Variants in RBFOX2 observed in about 807,000 individuals in gnomAD.
The protein encoded by RBFOX2 is RNA binding protein fox-1 homolog 2.
In RBFOX2, 10 loss-of-function variants were observed where a neutral mutation model predicts 49.1. The observed-to-expected ratio is 0.20, with a 90% CI of 0.13 to 0.35. The LOEUF (loss-of-function observed/expected upper bound fraction) is 0.35. RBFOX2 is among the 10% of genes least tolerant of loss of function. RBFOX2 has a pLI of 1.00. For missense variants in RBFOX2, 323 were observed against 486.9 expected, an observed-to-expected ratio of 0.66 and a Z score of 3.17; for synonymous variants, 183 against 187.4, an observed-to-expected ratio of 0.98 and a Z score of 0.19.
chr22:35,853,097 C>G (rs1328199390), intron 1 of RBFOX2, among the ~76,000 whole-genome samples: 1 of 151,922 alleles, frequency 6.6e-6, no homozygotes, highest in East Asian at 1.9e-4. Flanking sequence ...AGTTTGAGAC[C>G]AGCCTGGCCA....
At chr22:35,747,505 C>T (rs1240067804) in intron 9 of RBFOX2, 1 of 152,162 alleles carries the variant, frequency 6.6e-6, no homozygotes, top group East Asian at 1.9e-4. Context: ...TTAGATAACT[C>T]AAATATACAA....
At chr22:35,889,350 T>C (rs918512038) in intron 1 of RBFOX2, among the ~76,000 whole-genome samples, 9 of 152,258 alleles carry the variant, frequency 5.9e-5, no homozygotes, top group Middle Eastern at 3.4e-3. Context: ...TAAGCAATAT[T>C]TCCTCTTGAA....
chr22:35,841,396 C>T, upstream of RBFOX2, among the ~76,000 whole-genome samples: 1 of 152,082 alleles, frequency 6.6e-6, no homozygotes, highest in South Asian at 2.1e-4. Flanking sequence ...TTAAAAAATG[C>T]ATCAAAGATG....
intron 1 of RBFOX2, among the ~76,000 whole-genome samples, chr22:35,929,198 G>A (rs1202234842): frequency 1.3e-5 from 2 of 151,634 alleles, no homozygotes; most frequent in Non-Finnish European, 2.9e-5. Flanking sequence ...AACCAGGCTG[G>A]TCTCAAACTC....
chr22:35,865,644 C>T (rs1200946231), intron 1 of RBFOX2, among the ~76,000 whole-genome samples: 2 of 151,968 alleles, frequency 1.3e-5, no homozygotes, highest in East Asian at 3.9e-4. Context: ...GTGACCTAAA[C>T]TAGTGTGGAT....
intron 1 of RBFOX2, among the ~76,000 whole-genome samples, chr22:35,825,206 T>A (rs1053084070): frequency 6.6e-6 from 1 of 152,096 alleles, no homozygotes; most frequent in African/African-American, 2.4e-5. Context: ...GGAGTGCAGT[T>A]AATAAGATAA....
chr22:35,931,350 A>C (rs1463072105), intron 1 of RBFOX2, among the ~76,000 whole-genome samples: 1 of 151,796 alleles, frequency 6.6e-6, no homozygotes, highest in East Asian at 1.9e-4. Flanking sequence ...CAGAAAGAAA[A>C]TTATTATAGA....
At chr22:35,823,920 C>T (rs1217266862) in intron 1 of RBFOX2, among the ~76,000 whole-genome samples, 3 of 152,036 alleles carry the variant, frequency 2.0e-5, no homozygotes, top group South Asian at 2.1e-4. Context: ...AAGGCCGAGG[C>T]GGGTGGATCA....
chr22:35,990,041 G>T (rs1007717138), intron 1 of RBFOX2, among the ~76,000 whole-genome samples: 36 of 152,046 alleles, frequency 2.4e-4, no homozygotes, highest in African/African-American at 8.5e-4. Context: ...AAATCAGCTG[G>T]GCATGGTAGC....
intron 2 of RBFOX2, among the ~76,000 whole-genome samples, chr22:35,794,884 T>C (rs144812162): frequency 1.3e-5 from 2 of 152,132 alleles, no homozygotes; most frequent in Non-Finnish European, 2.9e-5. Context: ...TAGTTTCCCT[T>C]GGGCATTAGG....
intron 1 of RBFOX2, among the ~76,000 whole-genome samples, chr22:35,983,648 C>T (rs1255717444): frequency 6.6e-6 from 1 of 152,098 alleles, no homozygotes; most frequent in Non-Finnish European, 1.5e-5. Flanking sequence ...AAAAAAATTT[C>T]CTAGATCATC....
chr22:35,791,736 A>T (rs961194437), intron 2 of RBFOX2, among the ~76,000 whole-genome samples: 1 of 152,252 alleles, frequency 6.6e-6, no homozygotes, highest in African/African-American at 2.4e-5. Context: ...CTCTCTGAAG[A>T]CATTACAGTT....
At chr22:35,918,888 C>G (rs1316980773) in intron 1 of RBFOX2, among the ~76,000 whole-genome samples, 1 of 152,154 alleles carries the variant, frequency 6.6e-6, no homozygotes, top group Admixed American at 6.5e-5. Context: ...TCATAGTAGT[C>G]ACCTATTCCT....
intron 1 of RBFOX2, among the ~76,000 whole-genome samples, chr22:35,821,455 G>A (rs993857845): frequency 6.6e-6 from 1 of 151,814 alleles, no homozygotes; most frequent in South Asian, 2.1e-4. Context: ...TATTAGTGGG[G>A]TGTAGTGGAG....
intron 1 of RBFOX2, among the ~76,000 whole-genome samples, chr22:35,952,902 C>A (rs938483887): frequency 1.3e-5 from 2 of 152,066 alleles, no homozygotes; most frequent in Admixed American, 1.3e-4. Flanking sequence ...ATGTTCATGG[C>A]AACACTACTC....
At chr22:35,817,977 C>T (rs1470558310) in intron 1 of RBFOX2, among the ~76,000 whole-genome samples, 1 of 151,880 alleles carries the variant, frequency 6.6e-6, no homozygotes, top group Non-Finnish European at 1.5e-5. Flanking sequence ...CACACACACA[C>T]ACACACACCC....
intron 1 of RBFOX2, among the ~76,000 whole-genome samples, chr22:35,944,112 T>C (rs1446147798): frequency 6.6e-6 from 1 of 152,226 alleles, no homozygotes; most frequent in Non-Finnish European, 1.5e-5. Context: ...TTGAGAAACA[T>C]AGTGCTGGTA....
chr22:35,762,214 C>T (rs1207875601), intron 6 of RBFOX2, among the ~76,000 whole-genome samples: 2 of 152,076 alleles, frequency 1.3e-5, no homozygotes, highest in African/African-American at 4.8e-5. Context: ...TTCCAAATAA[C>T]ATTATGTTTA....
intron 1 of RBFOX2, among the ~76,000 whole-genome samples, chr22:35,852,748 A>G (rs2042085069): frequency 6.6e-6 from 1 of 152,234 alleles, no homozygotes; most frequent in South Asian, 2.1e-4. Context: ...GTAATAATGA[A>G]CTATGACTGA....
Sources: gnomAD v4.1 joint callset for allele counts (sites outside exome capture counted in the v4.1 genomes callset) on GRCh38, gnomAD v4.1.1 for gene constraint, MANE v1.5 for transcripts, NCBI Gene and HGNC (gene_info 2026-07-23, HGNC 2026-07-21) for gene names.